Variants in DEUP1 observed in about 807,000 individuals in gnomAD.
DEUP1 encodes deuterosome assembly protein 1.
Under a neutral mutation model 87.4 loss-of-function variants are expected in DEUP1, and 82 were observed. That is an observed-to-expected ratio of 0.94 (90% CI 0.78 to 1.13). The LOEUF is 1.13. Ranked by LOEUF, DEUP1 falls within the 50% of genes most tolerant of loss-of-function variation. The pLI, the probability that DEUP1 is intolerant of heterozygous loss-of-function variation, is 0.00. For missense variants in DEUP1, 663 were observed against 681.5 expected, an observed-to-expected ratio of 0.97 and a Z score of 0.30; for synonymous variants, 214 against 222.7, an observed-to-expected ratio of 0.96 and a Z score of 0.35.
chr11:93,337,141 A>G (rs1315874809), intron 2 of DEUP1, among the ~76,000 whole-genome samples: 1 of 152,196 alleles, frequency 6.6e-6, no homozygotes, highest in African/African-American at 2.4e-5. Context: ...TCAAAGAACC[A>G]AGGTAGATGA....
intron 7 of DEUP1, among the ~76,000 whole-genome samples, chr11:93,375,962 G>GT (rs911377476): frequency 3.0e-4 from 46 of 151,956 alleles, no homozygotes; most frequent in African/African-American, 1.1e-3. Context: ...GTTTTGTTTT[G>GT]TTTTTTAAAC....
chr11:93,355,255 A>T, intron 2 of DEUP1, 116 bp from the exon 3 acceptor site: 1 of 949,824 alleles, frequency 1.1e-6, no homozygotes, highest in Non-Finnish European at 1.6e-6. Flanking sequence ...ATTCCTATTT[A>T]AATAATTGAA....
At chr11:93,363,745 A>G (rs181484425) in intron 4 of DEUP1, among the ~76,000 whole-genome samples, 1,870 of 152,056 alleles carry the variant, frequency 0.012, 38 homozygotes, top group African/African-American at 0.043. Flanking sequence ...AAATTAATAC[A>G]TATTCTGTTT....
At chr11:93,343,143 T>A (rs1369799194) in intron 2 of DEUP1, among the ~76,000 whole-genome samples, 8 of 152,222 alleles carry the variant, frequency 5.3e-5, no homozygotes, top group Admixed American at 5.2e-4. Flanking sequence ...AGAATGAGGT[T>A]CACTGAAATT....
At chr11:93,390,541 T>C (rs567655188) in intron 9 of DEUP1, among the ~76,000 whole-genome samples, 28 of 152,288 alleles carry the variant, frequency 1.8e-4, no homozygotes, top group African/African-American at 6.5e-4. Context: ...AAAAACTCTT[T>C]TTTACTGGTG....
At chr11:93,358,223 A>T (rs1197736367) in intron 4 of DEUP1, among the ~76,000 whole-genome samples, 1 of 152,110 alleles carries the variant, frequency 6.6e-6, no homozygotes, top group Non-Finnish European at 1.5e-5. Context: ...GTATGTTTTC[A>T]TCGTGTTAAA....
chr11:93,372,222 C>T (rs1044297655), intron 7 of DEUP1, among the ~76,000 whole-genome samples: 1 of 152,196 alleles, frequency 6.6e-6, no homozygotes, highest in Non-Finnish European at 1.5e-5. Flanking sequence ...GCCACCGCGC[C>T]CGGCCCAAAA....
intron 13 of DEUP1, among the ~76,000 whole-genome samples, chr11:93,429,795 C>T (rs1948045954): frequency 6.6e-6 from 1 of 152,066 alleles, no homozygotes; most frequent in South Asian, 2.1e-4. Context: ...ATGGGGCTTC[C>T]TTCTATCTCT....
intron 13 of DEUP1, among the ~76,000 whole-genome samples, chr11:93,419,992 G>A (rs1046077812): frequency 6.6e-6 from 1 of 152,072 alleles, no homozygotes; most frequent in African/African-American, 2.4e-5. Context: ...GGTACAAGGA[G>A]GAGCTGGTAC....
At chr11:93,360,815 T>C (rs574974704) in intron 4 of DEUP1, among the ~76,000 whole-genome samples, 1 of 145,196 alleles carries the variant, frequency 6.9e-6, no homozygotes, top group African/African-American at 2.6e-5. Context: ...TTAAAATTTA[T>C]ATCATCAGAG....
At chr11:93,436,100 C>A (rs1948242311) in intron 13 of DEUP1, among the ~76,000 whole-genome samples, 1 of 151,982 alleles carries the variant, frequency 6.6e-6, no homozygotes, top group African/African-American at 2.4e-5. Flanking sequence ...TTAATTTTTG[C>A]TTTACCTAGG....
intron 7 of DEUP1, 106 bp downstream of exon 7, chr11:93,371,386 T>G: frequency 1.7e-6 from 2 of 1,184,228 alleles, no homozygotes; most frequent in Non-Finnish European, 2.3e-6. Context: ...TATTAATATA[T>G]GTGAAGATTC....
intron 13 of DEUP1, among the ~76,000 whole-genome samples, chr11:93,415,598 A>C (rs115608578): frequency 6.6e-6 from 1 of 151,622 alleles, no homozygotes; most frequent in Non-Finnish European, 1.5e-5. Flanking sequence ...CATCCCCAGC[A>C]CTCCAGAAGC....
At chr11:93,341,153 C>T (rs1944050419) in intron 2 of DEUP1, among the ~76,000 whole-genome samples, 1 of 152,020 alleles carries the variant, frequency 6.6e-6, no homozygotes, top group South Asian at 2.1e-4. Context: ...CATGGTGGCT[C>T]ACGCCTGTAA....
intron 11 of DEUP1, among the ~76,000 whole-genome samples, chr11:93,398,814 G>A (rs577842863): frequency 4.3e-4 from 65 of 150,776 alleles, no homozygotes; most frequent in Non-Finnish European, 7.7e-4. Context: ...TCCACCTCCC[G>A]GGTTCAAGCA....
At chr11:93,363,534 A>G (rs1211967239) in intron 4 of DEUP1, among the ~76,000 whole-genome samples, 3 of 151,928 alleles carry the variant, frequency 2.0e-5, no homozygotes, top group African/African-American at 7.2e-5. Context: ...AAACAGATAC[A>G]TGAGTATAGA....
rs565107419 is a variant in DEUP1 at position 93,370,464 on chromosome 11, C to T, written c.546+278C>T. 1.1e-4 allele frequency among the ~76,000 whole-genome samples: 17 copies of T among 152,304 alleles called. No homozygotes were observed. In the East Asian group the frequency reaches 1.2e-3, roughly 10 times the overall value. ...ACAGGCAAGGCACTCAAAGAATTTACGATTGCTTGCTTTACTTTGTATTTC... is the reference window on the plus strand; with the variant it reads ...ACAGGCAAGGCACTCAAAGAATTTATGATTGCTTGCTTTACTTTGTATTTC... On this transcript the variant is annotated intron_variant, in intron 6 of 13. Coordinates refer to ENST00000298050, the MANE Select transcript of DEUP1 (RefSeq NM_181645.4).
intron 2 of DEUP1, among the ~76,000 whole-genome samples, chr11:93,352,023 A>T (rs529046820): frequency 6.6e-6 from 1 of 152,302 alleles, no homozygotes; most frequent in African/African-American, 2.4e-5. Flanking sequence ...ATTAAATGGG[A>T]AGCAGCTGCC....
At chr11:93,420,632 T>G (rs1184255319) in intron 13 of DEUP1, among the ~76,000 whole-genome samples, 1 of 147,470 alleles carries the variant, frequency 6.8e-6, no homozygotes, top group Non-Finnish European at 1.5e-5. Flanking sequence ...TGTCCCTGTT[T>G]GCAGATGACA....
Sources: gnomAD v4.1 joint callset for allele counts (sites outside exome capture counted in the v4.1 genomes callset) on GRCh38, gnomAD v4.1.1 for gene constraint, MANE v1.5 for transcripts, NCBI Gene and HGNC (gene_info 2026-07-23, HGNC 2026-07-21) for gene names.